Variants in SPTA1 observed in about 807,000 individuals in gnomAD.
The protein encoded by SPTA1 is spectrin alpha, erythrocytic 1.
SPTA1 carries 177 observed loss-of-function variants against 324.7 expected under a neutral mutation model. That is an observed-to-expected ratio of 0.55 (90% CI 0.48 to 0.62). SPTA1 has a LOEUF of 0.62. Ranked by LOEUF, SPTA1 falls within the 20% of genes least tolerant of loss-of-function variation. The probability of loss-of-function intolerance (pLI) is 0.00; values close to 1 mark genes in which losing one functional copy is unlikely to be tolerated. For synonymous variants in SPTA1, 1,195 were observed against 1,041.3 expected (o/e 1.15, Z -2.84); for missense variants, 3,162 against 2,883.6 (o/e 1.10, Z -2.21).
At chr1:158,630,337 C>A (rs980968502) in intron 39 of SPTA1, among the ~76,000 whole-genome samples, 4 of 151,824 alleles carry the variant, frequency 2.6e-5, no homozygotes, top group Non-Finnish European at 5.9e-5. Flanking sequence ...CAGAAATAAA[C>A]CCATGTATAT....
Position 158,620,384 on chromosome 1 carries a change from T to A in SPTA1, c.6203A>T (p.Glu2068Val). The A allele has an allele frequency of 6.2e-7, 1 of 1,614,010 alleles. No individual in the cohort carries two copies. The highest frequency in any genetic ancestry group is 8.5e-7 in the Non-Finnish European group (1 of 1,180,026). The change falls in exon 44 of 52, where the codon GAG (glutamate) becomes GTG (valine). Residue 2068 changes from glutamate (E) to valine (V), a missense_variant. Coordinates refer to ENST00000643759, the MANE Select transcript of SPTA1 (RefSeq NM_003126.4). ...ATTCAGGGAGACACAGTGCACAGGC[T>A]CTGACAAGTTTTCTTCCATCTTTTC... ...WCEKMEENLS[E>V]PVHCVSLNEI... is the part of the protein sequence containing the mutation.
At chr1:158,624,994 G>A (rs564787396) in intron 42 of SPTA1, among the ~76,000 whole-genome samples, 1 of 152,160 alleles carries the variant, frequency 6.6e-6, no homozygotes, top group Non-Finnish European at 1.5e-5. Flanking sequence ...AAAAAGTAGG[G>A]GTTGGATGGC....
intron 14 of SPTA1, among the ~76,000 whole-genome samples, chr1:158,668,926 T>C (rs1485036822): frequency 2.0e-5 from 3 of 152,218 alleles, no homozygotes; most frequent in Non-Finnish European, 4.4e-5. Context: ...TTTCTTTAAC[T>C]ATAAAATAAG....
At chr1:158,667,665 A>G (rs1023278496) in intron 15 of SPTA1, among the ~76,000 whole-genome samples, 193 bp downstream of exon 15, 5 of 152,196 alleles carry the variant, frequency 3.3e-5, no homozygotes, top group African/African-American at 1.2e-4. Flanking sequence ...GAAACATAAA[A>G]TTGTGTTAAT....
chr1:158,667,839 C>A lies in SPTA1; in HGVS notation c.2038+19G>T. The stretch of plus-strand genomic sequence containing the variant: ...CAGAATTTAGAAAATGACCTTTCAC[C>A]AAAACCTCTGCTTTTTACCTTTCTG... On this transcript the variant is annotated intron_variant, in intron 15 of 51. Transcript: ENST00000643759. 6.2e-7 allele frequency: 1 copy of A among 1,612,666 alleles called. No individual in the cohort carries two copies. Among genetic ancestry groups the A allele is most frequent in the South Asian group, 1.1e-5 (1 of 91,004 alleles).
At chr1:158,642,735 T>A in intron 32 of SPTA1, 79 bp downstream of exon 32, 2 of 1,608,622 alleles carry the variant, frequency 1.2e-6, no homozygotes, top group Non-Finnish European at 1.7e-6. Context: ...CAGAAAGTGT[T>A]AAAGTATCAA....
rs371521996 is a variant in SPTA1, at chr1:158,671,356, T to C, written c.1586A>G (p.Glu529Gly). 15 of 1,613,372 alleles carry C rather than the reference T, an allele frequency of 9.3e-6. No homozygotes were observed. Among genetic ancestry groups the C allele is most frequent in the African/African-American group, 1.3e-5 (1 of 74,858 alleles). The change falls in exon 12 of 52, where the codon GAA (glutamate) becomes GGA (glycine). Residue 529 changes from glutamate to glycine, a missense_variant. Coordinates refer to ENST00000643759, the MANE Select transcript of SPTA1 (RefSeq NM_003126.4). Reference protein sequence around the residue: ...EDFEEAFTAQEEKIITVDKTA... With the variant: ...EDFEEAFTAQGEKIITVDKTA... ...CCAATTTCTTACTATGATCTTCTCT[T>C]CCTGGGCAGTAAAGGCTTCCTCAAA...
intron 17 of SPTA1, 54 bp from the exon 18 acceptor site, chr1:158,661,463 C>T (rs753955516): frequency 2.6e-5 from 42 of 1,611,880 alleles, no homozygotes; most frequent in Non-Finnish European, 3.5e-5. Context: ...ATGGAAGTAG[C>T]ATACCTCACT....
intron 41 of SPTA1, among the ~76,000 whole-genome samples, chr1:158,626,425 C>T (rs1272360468): frequency 6.6e-6 from 1 of 151,908 alleles, no homozygotes; most frequent in African/African-American, 2.4e-5. Flanking sequence ...GAGCTAGGGT[C>T]TTGAGAGCTT....
At chr1:158,679,460 C>T (rs1470490391) in intron 5 of SPTA1, among the ~76,000 whole-genome samples, 1 of 152,058 alleles carries the variant, frequency 6.6e-6, no homozygotes, top group Non-Finnish European at 1.5e-5. Flanking sequence ...CTATGAGTTC[C>T]AGCACCTAGG....
chr1:158,651,265 G>T, intron 24 of SPTA1, 102 bp downstream of exon 24: 1 of 811,964 alleles, frequency 1.2e-6, no homozygotes, highest in Non-Finnish European at 2.2e-6. Flanking sequence ...CCTTCTGCAT[G>T]TTCTAGTGGG....
At chr1:158,642,630 A>AGGAGGTAGGGAGTCATCTCTG in intron 32 of SPTA1, 88 bp from the exon 33 acceptor site, 1 of 1,586,690 alleles carries the variant, frequency 6.3e-7, no homozygotes, top group Non-Finnish European at 8.6e-7. Flanking sequence ...AAGGGCTAAT[A>AGGAGGTAGGGAGTCATCTCTG]TTTCTATCAT....
intron 31 of SPTA1, 122 bp downstream of exon 31, chr1:158,643,200 C>G: frequency 7.8e-7 from 1 of 1,280,186 alleles, no homozygotes; most frequent in Non-Finnish European, 1.1e-6. Context: ...GCATAGGTGT[C>G]AAGATAGTTT....
At position 158,627,000 on chromosome 1, in the gene SPTA1, T is replaced by G. The variant is rs1300284650; in HGVS notation, c.5672A>C (p.Gln1891Pro). Residue 1891 changes from glutamine (Q) to proline (P), a missense_variant, in exon 41 of 52, where the codon CAG becomes CCG. Physicochemically the swap from Gln to Pro is moderately conservative, Grantham distance 76. Transcript: ENST00000643759. ...QGEDILNKVLQEESQNKEISS... is the reference protein window; with the variant it reads ...QGEDILNKVLPEESQNKEISS... ...AATCTCTTTGTTCTGACTTTCCTCCTGCAACACCTGTGAGAAGGGGAGAGA... is the reference window on the plus strand; with the variant it reads ...AATCTCTTTGTTCTGACTTTCCTCCGGCAACACCTGTGAGAAGGGGAGAGA... The G allele has an allele frequency of 1.5e-5, 24 of 1,613,660 alleles. No homozygotes were observed. The highest frequency in any genetic ancestry group is 2.0e-5 in the Non-Finnish European group (24 of 1,179,732).
chr1:158,649,829 A>C (rs767731824), intron 25 of SPTA1, 27 bp downstream of exon 25: 1 of 1,556,810 alleles, frequency 6.4e-7, no homozygotes, highest in Non-Finnish European at 8.9e-7. Flanking sequence ...TTAAAGCAGC[A>C]CTGCTTTTTA....
At chr1:158,627,119 G>T in intron 40 of SPTA1, 112 bp from the exon 41 acceptor site, 1 of 1,399,406 alleles carries the variant, frequency 7.1e-7, no homozygotes, top group Non-Finnish European at 1.0e-6. Flanking sequence ...ATAACCAAGT[G>T]TGACCGTCTT....
intron 36 of SPTA1, among the ~76,000 whole-genome samples, chr1:158,637,062 A>G (rs973862965): frequency 6.6e-6 from 1 of 152,226 alleles, no homozygotes; most frequent in Non-Finnish European, 1.5e-5. Context: ...GCTCAAGAAT[A>G]CACACTAATG....
chr1:158,683,323 A>T (rs759089891), intron 3 of SPTA1, 48 bp downstream of exon 3: 94 of 1,611,884 alleles, frequency 5.8e-5, no homozygotes, highest in Non-Finnish European at 7.8e-5. Flanking sequence ...TAAAACCCTG[A>T]TAACATAATC....
rs370514287 is a variant in SPTA1, at chr1:158,642,476, C to A, written c.4672G>T (p.Val1558Phe). Residue 1558 changes from valine to phenylalanine, a missense_variant, in exon 33 of 52, where the codon GTC (valine) becomes TTC (phenylalanine). Coordinates refer to ENST00000643759, the MANE Select transcript of SPTA1 (RefSeq NM_003126.4). The stretch of plus-strand genomic sequence containing the variant: ...ATCAGGGAGTTCCCCAGGTTGATGA[C>A]GCCATGCACCTGCTCAGATCGGCCA... ...VDGRSEQVHG[V>F]INLGNSLIEC... 6.8e-6 allele frequency: 11 copies of A among 1,613,664 alleles called. No individual in the cohort carries two copies. The highest frequency in any genetic ancestry group is 9.3e-6 in the Non-Finnish European group (11 of 1,179,740).
Sources: gnomAD v4.1 joint callset for allele counts (sites outside exome capture counted in the v4.1 genomes callset) on GRCh38, gnomAD v4.1.1 for gene constraint, MANE v1.5 for transcripts, NCBI Gene and HGNC (gene_info 2026-07-23, HGNC 2026-07-21) for gene names.